MAD1L1: variants seen among roughly 807,000 people sequenced by gnomAD.
The protein encoded by MAD1L1 is mitotic arrest deficient 1 like 1.
In MAD1L1, 95 loss-of-function variants were observed where a neutral mutation model predicts 96.9. That is an observed-to-expected ratio of 0.98 (90% confidence interval 0.83 to 1.16). The LOEUF is 1.16. Among genes scored for constraint, MAD1L1 ranks in the 50% most tolerant of loss-of-function variants. The pLI, the probability that MAD1L1 is intolerant of heterozygous loss-of-function variation, is 0.00. For synonymous variants in MAD1L1, 473 were observed against 396.6 expected (o/e 1.19, Z -2.29); for missense variants, 1,007 against 954.4 (o/e 1.06, Z -0.73).
intron 15 of MAD1L1, among the ~76,000 whole-genome samples, chr7:1,975,347 C>G (rs1209211059): frequency 6.6e-6 from 1 of 152,228 alleles, no homozygotes; most frequent in Non-Finnish European, 1.5e-5. Context: ...TCCAATGGGA[C>G]CAATCACTTG....
At chr7:2,232,543 C>T (rs374496785) in intron 1 of MAD1L1, among the ~76,000 whole-genome samples, 169 of 152,344 alleles carry the variant, frequency 1.1e-3, no homozygotes, top group African/African-American at 3.9e-3. Flanking sequence ...GGCAGCGGGA[C>T]CCCGGGGCTG....
intron 14 of MAD1L1, among the ~76,000 whole-genome samples, chr7:1,984,071 G>C (rs1194179875): frequency 6.6e-6 from 1 of 152,144 alleles, no homozygotes; most frequent in Non-Finnish European, 1.5e-5. Flanking sequence ...TTAAACTTGT[G>C]AATTTAGGTG....
At chr7:1,892,359 G>T (rs1001538812) in intron 18 of MAD1L1, among the ~76,000 whole-genome samples, 1 of 152,218 alleles carries the variant, frequency 6.6e-6, no homozygotes, top group Non-Finnish European at 1.5e-5. Context: ...CTGGCAAAGC[G>T]AGACCGTACT....
intron 7 of MAD1L1, among the ~76,000 whole-genome samples, chr7:2,217,167 T>C (rs1637732): frequency 0.029 from 4,353 of 152,264 alleles, 93 homozygotes; most frequent in East Asian, 0.055. Context: ...GTCTTTCCAA[T>C]AGTGAGGACA....
chr7:2,032,561 G>A (rs1378711374), intron 12 of MAD1L1, among the ~76,000 whole-genome samples: 2 of 152,236 alleles, frequency 1.3e-5, no homozygotes, highest in Admixed American at 1.3e-4. Flanking sequence ...CAGCTGGGGA[G>A]AGCTGGCCTT....
At chr7:1,919,824 G>A (rs1022698148) in intron 17 of MAD1L1, among the ~76,000 whole-genome samples, 5 of 152,212 alleles carry the variant, frequency 3.3e-5, no homozygotes, top group African/African-American at 1.2e-4. Context: ...ATCAGCTCAG[G>A]AGCAACTTTG....
chr7:2,093,264 A>AC (rs1199128651), intron 11 of MAD1L1, among the ~76,000 whole-genome samples: 2 of 151,402 alleles, frequency 1.3e-5, no homozygotes, highest in Admixed American at 1.3e-4. Context: ...AAAAAAAAAA[A>AC]ATTCAGAGGG....
chr7:1,874,976 C>T (rs117661380), intron 18 of MAD1L1, among the ~76,000 whole-genome samples: 3,020 of 152,232 alleles, frequency 0.02, 40 homozygotes, highest in Non-Finnish European at 0.033. Context: ...CTGGGAGCTC[C>T]AGGGCAGGCA....
At chr7:2,085,845 C>T (rs1388836677) in intron 11 of MAD1L1, among the ~76,000 whole-genome samples, 1 of 152,218 alleles carries the variant, frequency 6.6e-6, no homozygotes, top group Admixed American at 6.5e-5. Flanking sequence ...AGGGAAGTTG[C>T]TGGGTCATCC....
chr7:2,168,680 C>A (rs1208670643), intron 10 of MAD1L1, among the ~76,000 whole-genome samples: 1 of 152,228 alleles, frequency 6.6e-6, no homozygotes, highest in Non-Finnish European at 1.5e-5. Context: ...GTGGGTGAAC[C>A]AGCCGCGAGA....
intron 12 of MAD1L1, among the ~76,000 whole-genome samples, chr7:2,017,536 T>G (rs1782596714): frequency 6.6e-6 from 1 of 152,140 alleles, no homozygotes; most frequent in Non-Finnish European, 1.5e-5. Context: ...TGCCCTGGCC[T>G]GCGATAGTCG....
intron 12 of MAD1L1, among the ~76,000 whole-genome samples, chr7:2,061,486 A>G (rs1784658455): frequency 6.6e-6 from 1 of 152,260 alleles, no homozygotes; most frequent in South Asian, 2.1e-4. Context: ...AAGCCTCAGG[A>G]AAGTAAGAAC....
chr7:2,120,926 C>A (rs1787947236), intron 11 of MAD1L1, among the ~76,000 whole-genome samples: 2 of 152,204 alleles, frequency 1.3e-5, no homozygotes, highest in African/African-American at 2.4e-5. Context: ...CACCCCTGCA[C>A]CTGCTCTAGG....
At chr7:2,219,089 G>A (rs1241781622) in intron 6 of MAD1L1, among the ~76,000 whole-genome samples, 1 of 152,094 alleles carries the variant, frequency 6.6e-6, no homozygotes, top group Non-Finnish European at 1.5e-5. Context: ...GGCTCTGCAG[G>A]AGCCCTCTCT....
At chr7:2,064,596 G>A (rs979734145) in intron 12 of MAD1L1, among the ~76,000 whole-genome samples, 3 of 150,512 alleles carry the variant, frequency 2.0e-5, no homozygotes, top group Admixed American at 6.6e-5. Context: ...GGCTTCTCCC[G>A]GGAATGTGGC....
chr7:2,211,601 G>A (rs1001443547), intron 10 of MAD1L1, among the ~76,000 whole-genome samples: 1 of 152,206 alleles, frequency 6.6e-6, no homozygotes, highest in African/African-American at 2.4e-5. Context: ...CGCCTTCCAA[G>A]CAATTAATAA....
At chr7:2,010,265 C>T (rs925153960) in intron 13 of MAD1L1, among the ~76,000 whole-genome samples, 15 of 151,624 alleles carry the variant, frequency 9.9e-5, no homozygotes, top group Admixed American at 3.3e-4. Context: ...TGACAGCACC[C>T]GCAGAGCTGC....
At chr7:1,955,053 G>A (rs911046416) in intron 16 of MAD1L1, among the ~76,000 whole-genome samples, 6 of 152,192 alleles carry the variant, frequency 3.9e-5, no homozygotes, top group Admixed American at 3.3e-4. Context: ...CCTCAGCACC[G>A]CGGGAGGGCA....
At chr7:1,924,057 A>G (rs1327498108) in intron 17 of MAD1L1, among the ~76,000 whole-genome samples, 1 of 152,252 alleles carries the variant, frequency 6.6e-6, no homozygotes, top group Non-Finnish European at 1.5e-5. Flanking sequence ...GCAGCATGAA[A>G]AGAACCGGGA....
Sources: gnomAD v4.1 joint callset for allele counts (sites outside exome capture counted in the v4.1 genomes callset) on GRCh38, gnomAD v4.1.1 for gene constraint, MANE v1.5 for transcripts, NCBI Gene and HGNC (gene_info 2026-07-23, HGNC 2026-07-21) for gene names.